The following WDPCP variants were observed in gnomAD, a reference collection of about 807,000 sequenced individuals.
The protein encoded by WDPCP is WD repeat containing planar cell polarity effector.
In WDPCP, 71 loss-of-function variants were observed where a neutral mutation model predicts 93.1. The observed-to-expected ratio is 0.76, with a 90% CI of 0.63 to 0.93. The LOEUF is 0.93. Among genes scored for constraint, WDPCP ranks in the 40% least tolerant of loss-of-function variants. The probability of loss-of-function intolerance (pLI) is 0.00; values close to 1 mark genes in which losing one functional copy is unlikely to be tolerated. For missense variants in WDPCP, 844 were observed against 887.4 expected (o/e 0.95, Z 0.62); for synonymous variants, 315 against 315.0 (o/e 1.00, Z 0.00).
At chr2:63,728,855 G>T (rs551055714) in intron 2 of WDPCP, among the ~76,000 whole-genome samples, 91 of 152,234 alleles carry the variant, frequency 6.0e-4, no homozygotes, top group African/African-American at 2.1e-3. Context: ...GAAAATATTT[G>T]GGAAGTTAAA....
chr2:63,749,302 A>G (rs999617832), intron 2 of WDPCP, among the ~76,000 whole-genome samples: 10 of 152,076 alleles, frequency 6.6e-5, no homozygotes, highest in Non-Finnish European at 8.8e-5. Flanking sequence ...TAGACTCAGA[A>G]AGAAAACTGG....
chr2:63,542,195 T>C (rs946571338), intron 1 of WDPCP, among the ~76,000 whole-genome samples: 4 of 152,204 alleles, frequency 2.6e-5, no homozygotes, highest in East Asian at 1.9e-4. Context: ...ATGAAACTAT[T>C]TGAAGCCTGA....
intron 12 of WDPCP, among the ~76,000 whole-genome samples, chr2:63,322,912 C>T (rs1687234455): frequency 6.6e-6 from 1 of 152,218 alleles, no homozygotes; most frequent in Non-Finnish European, 1.5e-5. Flanking sequence ...ACCTGTCGGC[C>T]AGTTAAAAGC....
chr2:63,143,598 A>G (rs967812841), intron 17 of WDPCP, among the ~76,000 whole-genome samples: 1 of 152,184 alleles, frequency 6.6e-6, no homozygotes, highest in Admixed American at 6.5e-5. Flanking sequence ...TTCAAGATTT[A>G]CAGCTCCTTC....
rs111744052 is a variant in WDPCP at position 63,810,666 on chromosome 2, T to G, written n.308+2956A>C. 2.6e-3 allele frequency among the ~76,000 whole-genome samples: 398 copies of G among 152,336 alleles called. 2 individuals are homozygous for G. The highest frequency in any genetic ancestry group is 9.1e-3 in the African/African-American group (380 of 41,588). ...GTACCAAATCAGGGAAGGTCTCACA[T>G]GTTATACTTGGGAATTCAAATTTAT... On this transcript the variant is annotated intron_variant and non_coding_transcript_variant, in intron 2 of 4. Coordinates refer to the WDPCP transcript ENST00000467687.
chr2:63,426,887 T>C (rs749870776), intron 9 of WDPCP, among the ~76,000 whole-genome samples: 128 of 152,132 alleles, frequency 8.4e-4, no homozygotes, highest in Non-Finnish European at 1.9e-4. Context: ...AAAGAAACTA[T>C]GGAGAAAGAT....
chr2:63,476,453 G>A (rs917109852), intron 6 of WDPCP, among the ~76,000 whole-genome samples: 1 of 151,934 alleles, frequency 6.6e-6, no homozygotes, highest in East Asian at 1.9e-4. Context: ...AGCTTTTTAG[G>A]TCTAAGTAAA....
chr2:63,316,876 T>G (rs2104024650), intron 12 of WDPCP, among the ~76,000 whole-genome samples: 1 of 152,176 alleles, frequency 6.6e-6, no homozygotes, highest in Non-Finnish European at 1.5e-5. Context: ...TAGTGCAAAA[T>G]GAGTTGCATT....
At chr2:63,547,346 A>G (rs1192323421) in intron 1 of WDPCP, among the ~76,000 whole-genome samples, 1 of 152,200 alleles carries the variant, frequency 6.6e-6, no homozygotes, top group Non-Finnish European at 1.5e-5. Flanking sequence ...TATGGAAAAC[A>G]GTATGGAGAT....
chr2:63,323,388 C>T (rs1687273523), intron 12 of WDPCP, among the ~76,000 whole-genome samples: 1 of 152,134 alleles, frequency 6.6e-6, no homozygotes, highest in Admixed American at 6.5e-5. Context: ...ATCAGAAAGA[C>T]GTAATTTTTG....
chr2:63,803,385 G>C lies in WDPCP; in HGVS notation n.308+10237C>G, dbSNP rs547608216. Among the ~76,000 whole-genome samples the C allele has an allele frequency of 6.4e-4, 97 of 152,148 alleles. 1 individual carries two copies. The highest frequency in any genetic ancestry group is 2.3e-3 in the African/African-American group (94 of 41,508). ...AAACTGGTATGGTATTTCTTTTTGG[G>C]AGAATTTGTATAATATAAACCAGAA... On this transcript the variant is annotated intron_variant and non_coding_transcript_variant, in intron 2 of 4. Coordinates refer to the WDPCP transcript ENST00000467687.
chr2:63,487,967 G>A (rs1277279499), intron 2 of WDPCP, among the ~76,000 whole-genome samples: 1 of 152,022 alleles, frequency 6.6e-6, no homozygotes, highest in East Asian at 1.9e-4. Flanking sequence ...CCACAGACGA[G>A]AAAGGGAAGA....
rs968325086 is a variant in WDPCP at position 63,802,737 on chromosome 2, A to T, written n.308+10885T>A. Among the ~76,000 whole-genome samples the T allele has an allele frequency of 3.3e-5, 5 of 151,466 alleles. No homozygotes were observed. The East Asian group carries it at 5.8e-4, about 18-fold the overall frequency. On this transcript the variant is annotated intron_variant and non_coding_transcript_variant, in intron 2 of 4. Transcript: ENST00000467687. ...TTGTTAGTCTATATAGTACAGCTTT[A>T]AAAAAAAAGACACATAGAGATGTAT...
intron 14 of WDPCP, among the ~76,000 whole-genome samples, chr2:63,198,724 T>G (rs1469827595): frequency 6.6e-6 from 1 of 152,218 alleles, no homozygotes; most frequent in Non-Finnish European, 1.5e-5. Flanking sequence ...TTACCCAGTT[T>G]CAGATAGTTC....
At chr2:63,569,406 T>G (rs530642415) in intron 1 of WDPCP, among the ~76,000 whole-genome samples, 6 of 152,356 alleles carry the variant, frequency 3.9e-5, no homozygotes, top group African/African-American at 1.4e-4. Context: ...ATGTATTTTT[T>G]TTTCCTTTGG....
At chr2:63,802,736 T>TA (rs972389251) in intron 2 of WDPCP, among the ~76,000 whole-genome samples, 17 of 151,336 alleles carry the variant, frequency 1.1e-4, no homozygotes, top group South Asian at 2.1e-4. Flanking sequence ...AGTACAGCTT[T>TA]AAAAAAAAAG....
chr2:63,658,823 C>G (rs927662399), intron 2 of WDPCP, among the ~76,000 whole-genome samples: 2 of 152,238 alleles, frequency 1.3e-5, no homozygotes, highest in South Asian at 2.1e-4. Flanking sequence ...ATCATCTCAG[C>G]TGGCCGACAG....
At chr2:63,705,235 T>C (rs1669130263) in intron 2 of WDPCP, among the ~76,000 whole-genome samples, 1 of 152,192 alleles carries the variant, frequency 6.6e-6, no homozygotes, top group Non-Finnish European at 1.5e-5. Flanking sequence ...TTTGTTAATC[T>C]TTTCAAAAAA....
chr2:63,721,731 T>A (rs1575757622), intron 2 of WDPCP, among the ~76,000 whole-genome samples: 1 of 14,840 alleles, frequency 6.7e-5, no homozygotes, highest in East Asian at 2.0e-3. Flanking sequence ...CTCCTCCCCC[T>A]CTCCCTCTCC....
Sources: gnomAD v4.1 joint callset for allele counts (sites outside exome capture counted in the v4.1 genomes callset) on GRCh38, gnomAD v4.1.1 for gene constraint, MANE v1.5 for transcripts, NCBI Gene and HGNC (gene_info 2026-07-23, HGNC 2026-07-21) for gene names.